The following SLCO1B3 variants were observed in gnomAD, a reference collection of about 807,000 sequenced individuals.
SLCO1B3 encodes liver-specific organic anion transporter 2.
In SLCO1B3, 72 loss-of-function variants were observed where a neutral mutation model predicts 71.8. That is an observed-to-expected ratio of 1.00 (90% CI 0.83 to 1.22). SLCO1B3 has a LOEUF of 1.22. Among genes scored for constraint, SLCO1B3 ranks in the 50% most tolerant of loss-of-function variants. The pLI is 0.00. For synonymous variants in SLCO1B3, 298 were observed against 278.4 expected (o/e 1.07, Z -0.70); for missense variants, 911 against 819.7 (o/e 1.11, Z -1.36).
At chr12:20,882,570 A>AT (rs35159315) in intron 12 of SLCO1B3, among the ~76,000 whole-genome samples, 15,941 of 151,078 alleles carry the variant, frequency 0.11, 1,124 homozygotes, top group Middle Eastern at 0.22. Context: ...CACCCGGCTA[A>AT]TTTTTTTTTA....
At chr12:20,812,680 C>G (rs1404925314) in intron 1 of SLCO1B3, among the ~76,000 whole-genome samples, 1 of 151,974 alleles carries the variant, frequency 6.6e-6, no homozygotes, top group African/African-American at 2.4e-5. Flanking sequence ...TTGAATGATT[C>G]CAAGAATGGA....
intron 13 of SLCO1B3, among the ~76,000 whole-genome samples, chr12:20,894,014 C>T (rs746286502): frequency 6.6e-6 from 1 of 152,140 alleles, no homozygotes; most frequent in Non-Finnish European, 1.5e-5. Flanking sequence ...AACAGGAAAA[C>T]AAGCATTCCC....
At chr12:20,827,849 T>A (rs1864459873) in intron 3 of SLCO1B3, among the ~76,000 whole-genome samples, 1 of 152,182 alleles carries the variant, frequency 6.6e-6, no homozygotes, top group Non-Finnish European at 1.5e-5. Flanking sequence ...ATTACAGGTG[T>A]GAGCCACGGT....
At chr12:20,824,609 A>T (rs191288168) in intron 3 of SLCO1B3, among the ~76,000 whole-genome samples, 1 of 152,206 alleles carries the variant, frequency 6.6e-6, no homozygotes, top group Non-Finnish European at 1.5e-5. Context: ...TACTACTGAC[A>T]ACATCTACTA....
chr12:20,839,167 G>A (rs987556437), intron 3 of SLCO1B3, among the ~76,000 whole-genome samples: 1 of 151,602 alleles, frequency 6.6e-6, no homozygotes, highest in African/African-American at 2.4e-5. Context: ...ATACATTATA[G>A]ATATTATTAT....
chr12:20,879,401 A>T, intron 10 of SLCO1B3, 35 bp from the exon 11 acceptor site: 1 of 1,419,202 alleles, frequency 7.0e-7, no homozygotes, highest in Non-Finnish European at 9.8e-7. Flanking sequence ...CCATATTTGT[A>T]TAATTATAGC....
chr12:20,818,653 T>G (rs569577212), intron 3 of SLCO1B3, among the ~76,000 whole-genome samples: 20 of 152,308 alleles, frequency 1.3e-4, no homozygotes, highest in Admixed American at 5.2e-4. Flanking sequence ...AGGATAGATT[T>G]CTACGATGGA....
chr12:20,846,012 A>C (rs1225795888), intron 3 of SLCO1B3, among the ~76,000 whole-genome samples: 1 of 151,434 alleles, frequency 6.6e-6, no homozygotes, highest in African/African-American at 2.4e-5. Context: ...TTCTGTGGAA[A>C]TCGAAATCAA....
intron 2 of SLCO1B3, 40 bp downstream of exon 2, chr12:20,813,678 A>G (rs1350746669): frequency 6.6e-6 from 1 of 152,170 alleles, no homozygotes; most frequent in Non-Finnish European, 1.5e-5. Context: ...GCTATTGGCC[A>G]CTAATTCAAT....
intron 3 of SLCO1B3, among the ~76,000 whole-genome samples, chr12:20,853,819 A>C (rs1183409861): frequency 6.7e-6 from 1 of 150,038 alleles, no homozygotes; most frequent in African/African-American, 2.5e-5. Context: ...TATGTTATTT[A>C]TTTGAGATTT....
chr12:20,863,796 A>G (rs1209125796), intron 8 of SLCO1B3, among the ~76,000 whole-genome samples: 2 of 152,140 alleles, frequency 1.3e-5, no homozygotes, highest in Non-Finnish European at 1.5e-5. Flanking sequence ...TCACCTTCTC[A>G]TCTCCCATTT....
chr12:20,832,398 A>G (rs900214603), intron 3 of SLCO1B3, among the ~76,000 whole-genome samples: 1 of 152,100 alleles, frequency 6.6e-6, no homozygotes, highest in Non-Finnish European at 1.5e-5. Context: ...AGAATCTGCC[A>G]GTGTATACTT....
At chr12:20,815,347 T>G (rs1864174350) in intron 2 of SLCO1B3, among the ~76,000 whole-genome samples, 1 of 152,194 alleles carries the variant, frequency 6.6e-6, no homozygotes, top group African/African-American at 2.4e-5. Context: ...AATCTGGATA[T>G]GTAGAAAATA....
chr12:20,903,455 A>G (rs1225746947), intron 15 of SLCO1B3, among the ~76,000 whole-genome samples: 1 of 152,204 alleles, frequency 6.6e-6, no homozygotes, highest in African/African-American at 2.4e-5. Context: ...CATGAAGAAA[A>G]GAGGTTTAAT....
intron 3 of SLCO1B3, among the ~76,000 whole-genome samples, chr12:20,854,679 C>T (rs1865096404): frequency 6.6e-6 from 1 of 152,174 alleles, no homozygotes; most frequent in Non-Finnish European, 1.5e-5. Context: ...TCCCAGTTAG[C>T]CAGGGCTATT....
rs1293695602 is a variant in SLCO1B3 at position 20,883,527 on chromosome 12, T to C, written c.1607T>C (p.Ile536Thr). 5.0e-6 allele frequency: 8 copies of C among 1,605,472 alleles called. No individual in the cohort carries two copies. The highest frequency in any genetic ancestry group is 6.8e-6 in the Non-Finnish European group (8 of 1,176,816). ...RDNTCTRKFF[I>T]YVAIQVINSL... ...AATACTTGTACAAGGAAATTTTTCA[T>C]CTATGTTGCAATTCAAGTCATAAAC... The change falls in exon 13 of 16, where the codon ATC becomes ACC. Residue 536 changes from isoleucine (I) to threonine (T), a missense_variant. By Grantham distance (89) the Ile-to-Thr change is moderately conservative (BLOSUM62 -1). Coordinates refer to ENST00000381545, the MANE Select transcript of SLCO1B3 (RefSeq NM_019844.4).
chr12:20,825,520 C>G (rs915977363), intron 3 of SLCO1B3, among the ~76,000 whole-genome samples: 10 of 151,906 alleles, frequency 6.6e-5, no homozygotes, highest in African/African-American at 1.9e-4. Context: ...AATAGGCTGG[C>G]CACGGTGGCT....
Position 20,834,685 on chromosome 12 carries a change from C to T in SLCO1B3, c.84+18863C>T, listed in dbSNP as rs111329548. On this transcript the variant is annotated intron_variant, in intron 3 of 15. Transcript: ENST00000381545. ...TGATGCAAGAGGTGGGTCCCTCAGTCTTGGGCAGCTCCACTCCTGTGGCTT... is the reference window on the plus strand; with the variant it reads ...TGATGCAAGAGGTGGGTCCCTCAGTTTTGGGCAGCTCCACTCCTGTGGCTT... Among the ~76,000 whole-genome samples, 1,143 of 152,104 alleles carry T rather than the reference C, an allele frequency of 7.5e-3. 10 individuals carry two copies. Among genetic ancestry groups the T allele is most frequent in the African/African-American group, 0.026 (1,080 of 41,486 alleles).
chr12:20,906,087 C>T (rs1168074521), intron 15 of SLCO1B3, among the ~76,000 whole-genome samples: 1 of 152,122 alleles, frequency 6.6e-6, no homozygotes, highest in Non-Finnish European at 1.5e-5. Flanking sequence ...CCCCCATGAT[C>T]CAATCACCTC....
Sources: gnomAD v4.1 joint callset for allele counts (sites outside exome capture counted in the v4.1 genomes callset) on GRCh38, gnomAD v4.1.1 for gene constraint, MANE v1.5 for transcripts, NCBI Gene and HGNC (gene_info 2026-07-23, HGNC 2026-07-21) for gene names.